Variants in SUSD6 observed in about 807,000 individuals in gnomAD.
The protein encoded by SUSD6 is sushi domain containing 6.
SUSD6 carries 16 observed loss-of-function variants against 28.4 expected under a neutral mutation model. The ratio of observed to expected loss-of-function variants is 0.56; its 90% CI spans 0.38 to 0.86. The LOEUF (loss-of-function observed/expected upper bound fraction) is 0.86, where lower values mean the gene tolerates loss of function less well. Among genes scored for constraint, SUSD6 ranks in the 40% least tolerant of loss-of-function variants. SUSD6 has a pLI of 0.00. For synonymous variants in SUSD6, 147 were observed against 159.6 expected (o/e 0.92, Z 0.59); for missense variants, 341 against 384.2 (o/e 0.89, Z 0.94).
intron 2 of SUSD6, among the ~76,000 whole-genome samples, chr14:69,660,782 A>C (rs140854327): frequency 0.013 from 2,012 of 152,348 alleles, 22 homozygotes; most frequent in Non-Finnish European, 0.021. Context: ...CTTAAATTTC[A>C]ATGTCTATAA....
At chr14:69,658,067 C>T (rs557573816) in intron 1 of SUSD6, among the ~76,000 whole-genome samples, 1 of 152,378 alleles carries the variant, frequency 6.6e-6, no homozygotes, top group Admixed American at 6.5e-5. Context: ...CTGCTGCATT[C>T]CTTCTCTAGG....
chr14:69,687,200 C>T (rs1186970448), intron 2 of SUSD6, among the ~76,000 whole-genome samples: 2 of 152,218 alleles, frequency 1.3e-5, no homozygotes, highest in Non-Finnish European at 2.9e-5. Flanking sequence ...GTCTCGAACT[C>T]CTGACTTCAG....
intron 1 of SUSD6, among the ~76,000 whole-genome samples, chr14:69,613,392 C>CT (rs1178405063): frequency 6.6e-6 from 1 of 152,196 alleles, no homozygotes; most frequent in African/African-American, 2.4e-5. Flanking sequence ...AACCTGGAGT[C>CT]TTTCTAAAAC....
rs1886513919 is a variant in SUSD6 at position 69,714,274 on chromosome 14, G to A, written c.*3295G>A. Reference sequence around the variant, plus strand: ...AAGGTATACTCTTCCTGCTTCATGGGTGGTGGCACGGGAATAGATAGCCCT... The same window carrying A: ...AAGGTATACTCTTCCTGCTTCATGGATGGTGGCACGGGAATAGATAGCCCT... On this transcript the variant is annotated 3_prime_UTR_variant, in exon 6 of 6. Transcript: ENST00000342745. The A allele has an allele frequency of 6.6e-6, 1 of 152,216 alleles. No homozygotes were observed. Among genetic ancestry groups the A allele is most frequent in the Non-Finnish European group, 1.5e-5 (1 of 68,058 alleles). The allele number at this position is 152,216 out of a possible 1,614,324, so 9.4% of individuals were successfully genotyped here. A position where few individuals can be genotyped will look rare whatever the true frequency, so the allele number is the denominator to read the frequency against.
chr14:69,614,622 C>A (rs1288817589), intron 1 of SUSD6, among the ~76,000 whole-genome samples: 1 of 152,180 alleles, frequency 6.6e-6, no homozygotes, highest in Non-Finnish European at 1.5e-5. Flanking sequence ...ATATTTTCTT[C>A]TGCCCTTTTT....
Position 69,714,625 on chromosome 14 carries a change from G to T in SUSD6, c.*3646G>T, listed in dbSNP as rs1473995123. ...GAATATTTTGCTTGGCATATGTTTG[G>T]TCTGAATGGTGTAGTTGCTGGTTCC... On this transcript the variant is annotated 3_prime_UTR_variant, in exon 6 of 6. Coordinates refer to ENST00000342745, the MANE Select transcript of SUSD6 (RefSeq NM_014734.4). 1 of 152,274 alleles carries T rather than the reference G, an allele frequency of 6.6e-6. No individual in the cohort carries two copies. The highest frequency in any genetic ancestry group is 1.5e-5 in the Non-Finnish European group (1 of 68,096). The allele number at this position is 152,274 out of a possible 1,614,324, so 9.4% of individuals were successfully genotyped here.
At position 69,703,576 on chromosome 14, in the gene SUSD6, C is replaced by T. The variant is rs564619100; in HGVS notation, c.303C>T (p.Ser101=). 1.3e-5 allele frequency: 21 copies of T among 1,614,180 alleles called. No individual in the cohort carries two copies. The East Asian group carries it at 4.5e-4, about 34-fold the overall frequency. Reference sequence around the variant, plus strand: ...AGTGGAAACCAGCCATGGAGATTAGCTGCCGTCTCAACGAGGGTCAGTCTG... The same window carrying T: ...AGTGGAAACCAGCCATGGAGATTAGTTGCCGTCTCAACGAGGGTCAGTCTG... ...NGEWKPAMEI[S]CRLNEDKDTH... is the part of the protein sequence containing the mutation. The change falls in exon 3 of 6, where the codon AGC becomes AGT. Residue 101 remains serine (S), a synonymous_variant. Transcript: ENST00000342745.
At chr14:69,707,630 C>A (rs1886404065) in intron 4 of SUSD6, among the ~76,000 whole-genome samples, 1 of 151,966 alleles carries the variant, frequency 6.6e-6, no homozygotes, top group South Asian at 2.1e-4. Flanking sequence ...TGCCTTAGTC[C>A]CAGCTACTTG....
chr14:69,665,110 T>G lies in SUSD6; in HGVS notation c.121+6397T>G, dbSNP rs546868853. On this transcript the variant is annotated intron_variant, in intron 2 of 5. Coordinates refer to ENST00000342745, the MANE Select transcript of SUSD6 (RefSeq NM_014734.4). ...CCAGAGGGACAGAAACATTTAGAGATAACGTTTCCATGGTGCAATGTGAAT... is the reference window on the plus strand; with the variant it reads ...CCAGAGGGACAGAAACATTTAGAGAGAACGTTTCCATGGTGCAATGTGAAT... Among the ~76,000 whole-genome samples the G allele has an allele frequency of 1.1e-3, 174 of 152,304 alleles. 1 individual carries two copies. The highest frequency in any genetic ancestry group is 2.1e-3 in the Non-Finnish European group (144 of 68,020).
chr14:69,643,787 A>C (rs1243630305), intron 1 of SUSD6, among the ~76,000 whole-genome samples: 1 of 152,218 alleles, frequency 6.6e-6, no homozygotes, highest in Non-Finnish European at 1.5e-5. Flanking sequence ...CTGTAATTCC[A>C]TGAAGTATAG....
chr14:69,665,728 G>C (rs1252098542), intron 2 of SUSD6, among the ~76,000 whole-genome samples: 2 of 152,182 alleles, frequency 1.3e-5, no homozygotes, highest in Non-Finnish European at 2.9e-5. Context: ...GTACCATTAT[G>C]CTTCAACTCT....
At chr14:69,700,374 A>G (rs1886296590) in intron 2 of SUSD6, among the ~76,000 whole-genome samples, 1 of 152,206 alleles carries the variant, frequency 6.6e-6, no homozygotes, top group African/African-American at 2.4e-5. Flanking sequence ...CTTATATCAA[A>G]TTATAAATTT....
At chr14:69,615,659 TACTA>T (rs2139587658) in intron 1 of SUSD6, 1 of 152,370 alleles carries the variant, frequency 6.6e-6, no homozygotes, top group Non-Finnish European at 1.5e-5. Context: ...AGGCCAACTG[TACTA>T]CTGTCAAGGC....
intron 2 of SUSD6, among the ~76,000 whole-genome samples, chr14:69,677,016 C>T (rs1198462392): frequency 6.6e-6 from 1 of 152,128 alleles, no homozygotes; most frequent in East Asian, 1.9e-4. Flanking sequence ...GCATTAGGAA[C>T]CAGGGACCTG....
intron 1 of SUSD6, among the ~76,000 whole-genome samples, chr14:69,641,947 G>A (rs774158346): frequency 6.6e-6 from 1 of 151,980 alleles, no homozygotes; most frequent in Non-Finnish European, 1.5e-5. Context: ...CATCATGCTC[G>A]TGCTTTGTTC....
At chr14:69,655,669 G>A (rs867399950) in intron 1 of SUSD6, among the ~76,000 whole-genome samples, 52 of 151,958 alleles carry the variant, frequency 3.4e-4, no homozygotes, top group African/African-American at 8.7e-4. Context: ...GTGTGGTGGC[G>A]TGCTCCTATA....
chr14:69,670,103 G>A (rs1885807246), intron 2 of SUSD6, among the ~76,000 whole-genome samples: 2 of 152,220 alleles, frequency 1.3e-5, no homozygotes, highest in Non-Finnish European at 2.9e-5. Flanking sequence ...TTTCATGAGT[G>A]TTAACTCCTT....
At chr14:69,639,313 CAAAAAAAAAAAAAAA>C (rs57837741) in intron 1 of SUSD6, among the ~76,000 whole-genome samples, 1 of 54,604 alleles carries the variant, frequency 1.8e-5, no homozygotes, top group Non-Finnish European at 3.0e-5. Flanking sequence ...GACTCCGTCT[CAAAAAAAAAAAAAAA>C]AAAAAAAAAA....
At chr14:69,621,889 C>A (rs553048605) in intron 1 of SUSD6, among the ~76,000 whole-genome samples, 39 of 152,240 alleles carry the variant, frequency 2.6e-4, no homozygotes, top group Middle Eastern at 6.8e-3. Context: ...ACATGCTTTT[C>A]TCTTGGGTTA....
Sources: gnomAD v4.1 joint callset for allele counts (sites outside exome capture counted in the v4.1 genomes callset) on GRCh38, gnomAD v4.1.1 for gene constraint, MANE v1.5 for transcripts, NCBI Gene and HGNC (gene_info 2026-07-23, HGNC 2026-07-21) for gene names.